Variants in RNF216 observed in about 807,000 individuals in gnomAD.
RNF216 encodes the protein ring finger protein 216.
In RNF216, 72 loss-of-function variants were observed where a neutral mutation model predicts 110.8. That is an observed-to-expected ratio of 0.65 (90% CI 0.54 to 0.79). The LOEUF (loss-of-function observed/expected upper bound fraction) is 0.79, where lower values mean the gene tolerates loss of function less well. RNF216 is among the 30% of genes least tolerant of loss of function. The pLI, the probability that RNF216 is intolerant of heterozygous loss-of-function variation, is 0.00. For missense variants in RNF216, 1,342 were observed against 1,141.2 expected (o/e 1.18, Z -2.54); for synonymous variants, 495 against 407.5 (o/e 1.21, Z -2.59).
chr7:5,680,712 C>G lies in RNF216; in HGVS notation c.2062-28202G>C, dbSNP rs538931508. On this transcript the variant is annotated intron_variant, in intron 13 of 16. Transcript: ENST00000389902. This position sits in a 1 kb window ranked among gnomAD's most constrained non-coding sequence, Gnocchi z 4.3. ...CCACCGCGCCCAGCACTCAACACTTCTACTTGGATATCTAAAAGGCACCCC... is the reference window on the plus strand; with the variant it reads ...CCACCGCGCCCAGCACTCAACACTTGTACTTGGATATCTAAAAGGCACCCC... Among the ~76,000 whole-genome samples the G allele has an allele frequency of 3.7e-4, 56 of 152,134 alleles. No individual in the cohort carries two copies. The highest frequency in any genetic ancestry group is 2.1e-3 in the Admixed American group (32 of 15,276).
In RNF216 at chr7:5,624,564, C is replaced by T. The variant is rs970206440; in HGVS notation, c.2383-439G>A. Reference sequence around the variant, plus strand: ...CCTGGAAAAGTCTTGCAGATGTCCTCAACTGAGATGGACAAATGTCCAGTC... The same window carrying T: ...CCTGGAAAAGTCTTGCAGATGTCCTTAACTGAGATGGACAAATGTCCAGTC... On this transcript the variant is annotated intron_variant, in intron 15 of 16. Coordinates refer to ENST00000389902, the MANE Select transcript of RNF216 (RefSeq NM_207111.4). The surrounding 1 kb of genome is among the most constrained non-coding windows in gnomAD (Gnocchi z 4.4). Among the ~76,000 whole-genome samples the T allele has an allele frequency of 6.6e-6, 1 of 152,250 alleles. No individual in the cohort carries two copies. Among genetic ancestry groups the T allele is most frequent in the African/African-American group, 2.4e-5 (1 of 41,478 alleles).
At chr7:5,781,352 C>G (rs1172389115) in intron 1 of RNF216, among the ~76,000 whole-genome samples, 189 bp downstream of exon 1, 1 of 152,010 alleles carries the variant, frequency 6.6e-6, no homozygotes, top group Non-Finnish European at 1.5e-5. Context: ...GCACCGGGCT[C>G]GAGACGCCCA....
intron 1 of RNF216, among the ~76,000 whole-genome samples, chr7:5,772,286 T>C (rs1796539161): frequency 6.6e-6 from 1 of 152,098 alleles, no homozygotes; most frequent in Non-Finnish European, 1.5e-5. Context: ...GGGAAGACAG[T>C]AGTAGTAACA....
intron 13 of RNF216, among the ~76,000 whole-genome samples, chr7:5,675,726 T>TTTTTTTTTTTTTTA (rs1790243423): frequency 6.6e-6 from 1 of 151,578 alleles, no homozygotes; most frequent in Non-Finnish European, 1.5e-5. Context: ...TTTTTTTTTT[T>TTTTTTTTTTTTTTA]GAGGTGGAGT....
chr7:5,625,482 G>A (rs535769978), intron 15 of RNF216, among the ~76,000 whole-genome samples: 1 of 152,312 alleles, frequency 6.6e-6, no homozygotes, highest in East Asian at 1.9e-4. Flanking sequence ...GCAGCAACTG[G>A]AAGGAAGACA....
intron 8 of RNF216, among the ~76,000 whole-genome samples, chr7:5,724,370 C>G (rs1424517628): frequency 1.3e-5 from 2 of 152,220 alleles, no homozygotes; most frequent in African/African-American, 4.8e-5. Flanking sequence ...AGCTGACCAA[C>G]AAGGAAGTCA....
At chr7:5,707,473 A>AT (rs1792366564) in intron 13 of RNF216, among the ~76,000 whole-genome samples, 1 of 152,010 alleles carries the variant, frequency 6.6e-6, no homozygotes, top group Non-Finnish European at 1.5e-5. Flanking sequence ...TTATGTGCTA[A>AT]TTTTGTATCC....
chr7:5,622,970 C>G lies in RNF216; in HGVS notation c.2662G>C (p.Val888Leu). Residue 888 changes from valine to leucine, a missense_variant, in exon 17 of 17, where the codon GTG becomes CTG. Physicochemically the swap from Val to Leu is conservative, Grantham distance 32. Transcript: ENST00000389902. Reference protein sequence around the residue: ...LNMGPIPAPYVPPLPNVRVNY... With the variant: ...LNMGPIPAPYLPPLPNVRVNY... ...ACCCGCACGTTGGGCAGAGGGGGCACGTACGGGGCTGGGATAGGCCCCATG... is the reference window on the plus strand; with the variant it reads ...ACCCGCACGTTGGGCAGAGGGGGCAGGTACGGGGCTGGGATAGGCCCCATG... The G allele has an allele frequency of 6.2e-7, 1 of 1,613,980 alleles. No individual in the cohort carries two copies. The highest frequency in any genetic ancestry group is 1.7e-4 in the Middle Eastern group (1 of 6,060).
intron 13 of RNF216, among the ~76,000 whole-genome samples, chr7:5,668,253 C>T (rs1337249650): frequency 4.1e-5 from 6 of 145,856 alleles, no homozygotes; most frequent in Non-Finnish European, 6.0e-5. Flanking sequence ...GATGGAGTCT[C>T]GCTCCGTTGG....
intron 14 of RNF216, among the ~76,000 whole-genome samples, chr7:5,647,310 C>A (rs1306486693): frequency 6.8e-6 from 1 of 148,052 alleles, no homozygotes; most frequent in Non-Finnish European, 1.5e-5. Context: ...ACATCTGAAA[C>A]CTTCATTTTC....
intron 13 of RNF216, among the ~76,000 whole-genome samples, chr7:5,689,633 A>C (rs1398567838): frequency 6.6e-6 from 1 of 152,194 alleles, no homozygotes; most frequent in Non-Finnish European, 1.5e-5. Flanking sequence ...ACTTGAGTAA[A>C]ATCATTTAGA....
chr7:5,660,849 T>A (rs912288410), intron 13 of RNF216, among the ~76,000 whole-genome samples: 2 of 149,940 alleles, frequency 1.3e-5, no homozygotes, highest in African/African-American at 2.5e-5. Flanking sequence ...GGATTACTGA[T>A]GTGAGCCACC....
intron 13 of RNF216, among the ~76,000 whole-genome samples, chr7:5,691,544 G>T (rs1468292723): frequency 6.6e-6 from 1 of 152,162 alleles, no homozygotes; most frequent in Non-Finnish European, 1.5e-5. Flanking sequence ...GAGGGGGAAT[G>T]TGTGTGTGAG....
chr7:5,774,377 G>A (rs992752043), intron 1 of RNF216, among the ~76,000 whole-genome samples: 1 of 152,212 alleles, frequency 6.6e-6, no homozygotes, highest in African/African-American at 2.4e-5. Context: ...GTTCAATGCT[G>A]CAAGTAAGCT....
chr7:5,692,399 C>T (rs748291749), intron 13 of RNF216, among the ~76,000 whole-genome samples: 5 of 152,182 alleles, frequency 3.3e-5, no homozygotes, highest in Non-Finnish European at 4.4e-5. Context: ...GAATCAGAAC[C>T]CATCCTTGTT....
chr7:5,666,144 C>T (rs191660280), intron 13 of RNF216, among the ~76,000 whole-genome samples: 1,453 of 135,480 alleles, frequency 0.011, 9 homozygotes, highest in Middle Eastern at 0.024. Context: ...CCAGCCTGGG[C>T]GACAGAGTGA....
Position 5,624,177 on chromosome 7 carries a change from G to C in RNF216, c.2383-52C>G. 1 of 1,510,672 alleles carries C rather than the reference G, an allele frequency of 6.6e-7. No homozygotes were observed. The highest frequency in any genetic ancestry group is 2.3e-5 in the East Asian group (1 of 44,320). 93.6% of individuals were successfully genotyped at this position (1,510,672 alleles called of 1,614,324 possible). A position where few individuals can be genotyped will look rare whatever the true frequency, so the allele number is the denominator to read the frequency against. ...AACCTGTAGCTTCATGCAGTGCTGA[G>C]GCCCCGTGGGACAGTGAGGAGGCCG... On this transcript the variant is annotated intron_variant, in intron 15 of 16. Coordinates refer to ENST00000389902, the MANE Select transcript of RNF216 (RefSeq NM_207111.4). This position sits in a 1 kb window ranked among gnomAD's most constrained non-coding sequence, Gnocchi z 4.4.
intron 1 of RNF216, among the ~76,000 whole-genome samples, chr7:5,766,468 G>A (rs999362890): frequency 6.6e-6 from 1 of 151,660 alleles, no homozygotes; most frequent in African/African-American, 2.4e-5. Context: ...ATGGAGGTTG[G>A]GCCCTCATGA....
At chr7:5,755,250 G>C (rs1048753137) in intron 2 of RNF216, among the ~76,000 whole-genome samples, 46 of 150,266 alleles carry the variant, frequency 3.1e-4, no homozygotes, top group African/African-American at 1.0e-3. Flanking sequence ...AAGGAAGGAA[G>C]GAAGGAAGGA....
Sources: gnomAD v4.1 joint callset for allele counts (sites outside exome capture counted in the v4.1 genomes callset) on GRCh38, gnomAD v4.1.1 for gene constraint, Gnocchi (gnomAD v3.1) non-coding constraint, MANE v1.5 for transcripts, NCBI Gene and HGNC (gene_info 2026-07-23, HGNC 2026-07-21) for gene names.